The following SMIM36 variants were observed in gnomAD, a reference collection of about 807,000 sequenced individuals.
SMIM36 encodes the protein small integral membrane protein 36.
At chr17:55,524,723 A>T in the SMIM36 span, among the ~76,000 whole-genome samples, 1 of 152,184 alleles carries the variant, frequency 6.6e-6, no homozygotes, top group Non-Finnish European at 1.5e-5. Context: ...ACTAAGAGAA[A>T]ATGGTATTCT....
chr17:55,469,105 TACAG>T (rs139924118), intron 3 of SMIM36, among the ~76,000 whole-genome samples: 13,711 of 152,072 alleles, frequency 0.09, 632 homozygotes, highest in South Asian at 0.14. Flanking sequence ...CCTCCTTTTC[TACAG>T]ACAAATCTGA....
chr17:55,493,644 T>C lies in SMIM36; in HGVS notation c.*175-14064A>G, dbSNP rs185123366. On this transcript the variant is annotated intron_variant, in intron 1 of 4. Coordinates refer to ENST00000636752, the Ensembl canonical transcript of SMIM36. ...GGGCAACGTGGTGAAACCCCATCTC[T>C]ACAAAAAATACAAAAATTAGCCGGG... Among the ~76,000 whole-genome samples the C allele has an allele frequency of 2.5e-3, 379 of 150,752 alleles. 2 individuals are homozygous for C. The highest frequency in any genetic ancestry group is 9.0e-3 in the African/African-American group (368 of 41,002).
At chr17:55,512,852 C>T (rs1910205467), upstream of SMIM36, among the ~76,000 whole-genome samples, 1 of 152,132 alleles carries the variant, frequency 6.6e-6, no homozygotes, top group South Asian at 2.1e-4. Context: ...CTGAAGTTCC[C>T]AAAGGTCTGC....
chr17:55,530,406 G>A, the SMIM36 span, among the ~76,000 whole-genome samples: 2 of 152,204 alleles, frequency 1.3e-5, no homozygotes, highest in Non-Finnish European at 2.9e-5. Context: ...ATTGGTGGAG[G>A]CAGAAGGTTT....
At chr17:55,475,157 C>G in intron 3 of SMIM36, among the ~76,000 whole-genome samples, 1 of 152,140 alleles carries the variant, frequency 6.6e-6, no homozygotes, top group East Asian at 1.9e-4. Flanking sequence ...TCTTCTGTCT[C>G]GTCATACTCC....
chr17:55,499,624 G>C (rs1288835916), intron 1 of SMIM36, among the ~76,000 whole-genome samples: 3 of 152,116 alleles, frequency 2.0e-5, no homozygotes, highest in African/African-American at 7.2e-5. Context: ...CCTTCCCAAA[G>C]CTATCATCCA....
At chr17:55,515,565 T>C (rs1910260997), upstream of SMIM36, among the ~76,000 whole-genome samples, 1 of 152,152 alleles carries the variant, frequency 6.6e-6, no homozygotes, top group Non-Finnish European at 1.5e-5. Context: ...GGTGTCCTTA[T>C]AAGCAGGCTG....
At chr17:55,465,327 TTGTC>T (rs1338652504) in intron 4 of SMIM36, among the ~76,000 whole-genome samples, 6 of 152,224 alleles carry the variant, frequency 3.9e-5, no homozygotes, top group Non-Finnish European at 8.8e-5. Context: ...CTCAGTTTAC[TTGTC>T]TATGTAATGG....
chr17:55,495,649 A>C (rs1034574982), intron 1 of SMIM36, among the ~76,000 whole-genome samples: 10 of 149,174 alleles, frequency 6.7e-5, no homozygotes, highest in Non-Finnish European at 1.0e-4. Flanking sequence ...TTTTTTTACA[A>C]AGGAAATTAT....
chr17:55,500,983 T>TTATATTTTATAA (rs1909920889), intron 1 of SMIM36, among the ~76,000 whole-genome samples: 2 of 46,610 alleles, frequency 4.3e-5, no homozygotes, highest in African/African-American at 8.6e-5. Context: ...TTATAATATA[T>TTATATTTTATAA]TATATATTAT....
intron 1 of SMIM36, among the ~76,000 whole-genome samples, chr17:55,489,867 T>TTC (rs71977363): frequency 0.027 from 4,030 of 151,622 alleles, 198 homozygotes; most frequent in African/African-American, 0.091. Flanking sequence ...TTTGTTTTTT[T>TTC]TTACAGAATC....
chr17:55,515,860 A>G (rs1464928876), upstream of SMIM36, among the ~76,000 whole-genome samples: 4 of 152,258 alleles, frequency 2.6e-5, no homozygotes, highest in Non-Finnish European at 5.9e-5. Flanking sequence ...AAACTAACAT[A>G]CTACCTATCT....
intron 1 of SMIM36, among the ~76,000 whole-genome samples, chr17:55,482,621 C>A (rs1388264232): frequency 1.3e-5 from 2 of 152,140 alleles, no homozygotes; most frequent in African/African-American, 2.4e-5. Context: ...ATTTAGTGGG[C>A]GTTTTATAAG....
intron 4 of SMIM36, among the ~76,000 whole-genome samples, chr17:55,457,327 C>T (rs759256660): frequency 7.3e-5 from 11 of 150,978 alleles, no homozygotes; most frequent in Non-Finnish European, 1.0e-4. Context: ...GGTGTGCACC[C>T]GTAGTCCTAG....
At chr17:55,511,964 G>A (rs1238534322), upstream of SMIM36, among the ~76,000 whole-genome samples, 1 of 152,194 alleles carries the variant, frequency 6.6e-6, no homozygotes, top group African/African-American at 2.4e-5. Context: ...ACTAAGCAAA[G>A]GGGATATGGC....
At chr17:55,528,366 T>C in the SMIM36 span, among the ~76,000 whole-genome samples, 1 of 151,990 alleles carries the variant, frequency 6.6e-6, no homozygotes, top group Non-Finnish European at 1.5e-5. Flanking sequence ...AATATATATT[T>C]TTAAAGATAG....
chr17:55,525,719 G>A, the SMIM36 span, among the ~76,000 whole-genome samples: 14,948 of 152,104 alleles, frequency 0.098, 725 homozygotes, highest in East Asian at 0.14. Flanking sequence ...GTGCAGTGGC[G>A]TGATCTCGGC....
Position 55,475,612 on chromosome 17 carries a change from A to G in SMIM36, c.*347+3150T>C, listed in dbSNP as rs528760250. 2.0e-5 allele frequency among the ~76,000 whole-genome samples: 3 copies of G among 152,348 alleles called. No individual in the cohort carries two copies. The East Asian group carries it at 5.8e-4, about 29-fold the overall frequency. On this transcript the variant is annotated intron_variant, in intron 3 of 4. Transcript: ENST00000636752. ...GTAGAGTGTTGTTTTTACCTAAATC[A>G]GTCTGGCTTGGTATATGACAACATA... is the stretch of plus-strand genomic sequence containing the variant.
intron 1 of SMIM36, among the ~76,000 whole-genome samples, chr17:55,500,011 G>GT (rs997900810): frequency 8.6e-5 from 13 of 150,510 alleles, no homozygotes; most frequent in South Asian, 6.4e-4. Context: ...CTGGGTTGTT[G>GT]TTTTTTTTTC....
Sources: gnomAD v4.1 joint callset for allele counts (sites outside exome capture counted in the v4.1 genomes callset) on GRCh38, gnomAD v4.1.1 for gene constraint, MANE v1.5 for transcripts, NCBI Gene and HGNC (gene_info 2026-07-23, HGNC 2026-07-21) for gene names.